SMARCA1: variants seen among roughly 807,000 people sequenced by gnomAD.
SMARCA1 encodes the protein SWI/SNF-related matrix-associated actin-dependent regulator of chromatin subfamily A member 1.
SMARCA1 carries 17 observed loss-of-function variants against 93.6 expected under a neutral mutation model. That is an observed-to-expected ratio of 0.18 (90% CI 0.12 to 0.27). The LOEUF (loss-of-function observed/expected upper bound fraction) is 0.27. Ranked by LOEUF, SMARCA1 falls within the 10% of genes least tolerant of loss-of-function variation. The pLI is 1.00. For missense variants in SMARCA1, 630 were observed against 819.0 expected (o/e 0.77, Z 2.82); for synonymous variants, 271 against 271.4 (o/e 1.00, Z 0.01).
chrX:129,474,585 A>G (rs1219600788), intron 19 of SMARCA1, among the ~76,000 whole-genome samples: 1 of 112,408 alleles, frequency 8.9e-6, no homozygotes, highest in African/African-American at 3.2e-5. Context: ...AATTTATTCT[A>G]TATCCAGTGG....
intron 1 of SMARCA1, among the ~76,000 whole-genome samples, chrX:129,522,169 A>G (rs901790685): frequency 4.5e-5 from 5 of 111,687 alleles, no homozygotes; most frequent in African/African-American, 1.6e-4. Flanking sequence ...AACGTTTTAT[A>G]GTTTTATTTG....
At chrX:129,506,297 T>A (rs1299525233) in intron 7 of SMARCA1, 86 bp from the exon 8 acceptor site, 1 of 709,641 alleles carries the variant, frequency 1.4e-6, no homozygotes, top group Non-Finnish European at 2.1e-6. Flanking sequence ...AACCAATATA[T>A]TTTTGACTAC....
chrX:129,492,900 A>G (rs1242179785), intron 13 of SMARCA1, 140 bp downstream of exon 13: 1 of 303,696 alleles, frequency 3.3e-6, no homozygotes. Context: ...GAAGATTTAA[A>G]AAAAATGATA....
chrX:129,516,685 G>C (rs1254113564), intron 2 of SMARCA1, among the ~76,000 whole-genome samples, 188 bp from the exon 3 acceptor site: 1 of 111,591 alleles, frequency 9.0e-6, no homozygotes. Context: ...AGCACAGAGA[G>C]GGTAAGTAAT....
intron 2 of SMARCA1, among the ~76,000 whole-genome samples, chrX:129,517,706 C>T (rs1038923696): frequency 2.7e-5 from 3 of 110,754 alleles, no homozygotes; most frequent in African/African-American, 9.8e-5. Flanking sequence ...AAATCCATTT[C>T]AACCACCTGT....
At chrX:129,508,899 T>C (rs1413633889) in intron 6 of SMARCA1, among the ~76,000 whole-genome samples, 3 of 111,945 alleles carry the variant, frequency 2.7e-5, no homozygotes, top group Non-Finnish European at 5.6e-5. Context: ...ATTAGTATTA[T>C]AAATCTAGCT....
chrX:129,505,223 T>C (rs1438784906), intron 8 of SMARCA1, among the ~76,000 whole-genome samples: 1 of 112,002 alleles, frequency 8.9e-6, no homozygotes, highest in Non-Finnish European at 1.9e-5. Context: ...TTAACAGTCA[T>C]AATGGGGCCA....
Position 129,511,821 on chromosome X carries a change from C to T in SMARCA1, c.793G>A (p.Gly265Arg), listed in dbSNP as rs779258095. The T allele has an allele frequency of 5.0e-6, 6 of 1,193,543 alleles. No individual in the cohort carries two copies. Among genetic ancestry groups the T allele is most frequent in the South Asian group, 3.8e-5 (2 of 53,196 alleles). The change falls in exon 6 of 25, where the codon GGA (glycine) becomes AGA (arginine). Residue 265 changes from glycine to arginine, a missense_variant. Around this residue, in one of 4 missense-constraint regions of SMARCA1, gnomAD observed 382 missense variants for 537.9 expected, o/e 0.71. Coordinates refer to ENST00000371121, the MANE Select transcript of SMARCA1 (RefSeq NM_001282874.2). ...TCACTTACTCTGGCATCCTTGTCTC[C>T]GACAAAACAAATGACACGGAGAGAT... ...VPSLRVICFV[G>R]DKDARAAFIR... is the part of the protein sequence containing the mutation.
intron 1 of SMARCA1, among the ~76,000 whole-genome samples, chrX:129,520,935 T>C (rs1935365693): frequency 8.9e-6 from 1 of 111,883 alleles, no homozygotes; most frequent in Admixed American, 9.4e-5. Context: ...TGGAGTGCAG[T>C]GGTGGGATCT....
At chrX:129,495,082 T>C (rs183028442) in intron 12 of SMARCA1, among the ~76,000 whole-genome samples, 10 of 111,997 alleles carry the variant, frequency 8.9e-5, no homozygotes, top group Non-Finnish European at 1.7e-4. Context: ...AAAAAGCAAA[T>C]TGGCATGTCT....
chrX:129,523,392 A>G lies in SMARCA1; in HGVS notation c.-22T>C, dbSNP rs770163297. ...CCATGCCGTGGGAGCGGGAACGAGT[A>G]GGGGGACAAGGCAGGGGACGAGGGC... On this transcript the variant is annotated 5_prime_UTR_variant, in exon 1 of 25. Transcript: ENST00000371121. 9.6e-6 allele frequency: 11 copies of G among 1,143,685 alleles called. No homozygotes were observed. The highest frequency in any genetic ancestry group is 1.3e-5 in the Non-Finnish European group (11 of 863,023). The allele number at this position is 1,143,685 out of a possible 1,213,427, so 94.3% of individuals were successfully genotyped here. A position where few individuals can be genotyped will look rare whatever the true frequency, so the allele number is the denominator to read the frequency against.
At position 129,454,592 on chromosome X, in the gene SMARCA1, G is replaced by A. The variant is rs374286438; in HGVS notation, c.3031-6149C>T. Reference sequence around the variant, plus strand: ...ATCTACAACTTAAACAAATTTACAAGAAAAAAACCCAAACAACCCCATTAA... The same window carrying A: ...ATCTACAACTTAAACAAATTTACAAAAAAAAAACCCAAACAACCCCATTAA... On this transcript the variant is annotated intron_variant, in intron 23 of 24. Transcript: ENST00000371121. Among the ~76,000 whole-genome samples, 6 of 111,508 alleles carry A rather than the reference G, an allele frequency of 5.4e-5. No individual in the cohort carries two copies. In the East Asian group the frequency reaches 1.1e-3, roughly 21 times the overall value.
intron 17 of SMARCA1, among the ~76,000 whole-genome samples, chrX:129,485,908 A>G (rs1933868786): frequency 9.0e-6 from 1 of 111,514 alleles, no homozygotes; most frequent in Non-Finnish European, 1.9e-5. Flanking sequence ...GCAGATGTTG[A>G]TACCATGCTT....
At chrX:129,452,394 G>A (rs1482672346) in intron 23 of SMARCA1, among the ~76,000 whole-genome samples, 1 of 112,355 alleles carries the variant, frequency 8.9e-6, no homozygotes, top group Non-Finnish European at 1.9e-5. Flanking sequence ...GAAAAGAGGA[G>A]ATGCAAAAAC....
chrX:129,453,782 A>C (rs187674278), intron 23 of SMARCA1, among the ~76,000 whole-genome samples: 300 of 111,841 alleles, frequency 2.7e-3, no homozygotes, highest in African/African-American at 8.7e-3. Flanking sequence ...CTCCTCAAGA[A>C]AATAAGAGAG....
chrX:129,517,433 GAA>G (rs1935243614), intron 2 of SMARCA1, among the ~76,000 whole-genome samples: 1 of 110,696 alleles, frequency 9.0e-6, no homozygotes, highest in Non-Finnish European at 1.9e-5. Flanking sequence ...TAATAACCCA[GAA>G]AACTTACAGA....
Position 129,499,856 on chromosome X carries a change from T to TTTTTATAAATGTTTCATAAAC in SMARCA1, c.1168-16_1168-15insGTTTATGAAACATTTATAAAA. 1.2e-6 allele frequency: 1 copy of TTTTTATAAATGTTTCATAAAC among 846,769 alleles called. No individual in the cohort carries two copies. The highest frequency in any genetic ancestry group is 1.7e-6 in the Non-Finnish European group (1 of 581,267). 69.8% of individuals were successfully genotyped at this position (846,769 alleles called of 1,213,427 possible). A position where few individuals can be genotyped will look rare whatever the true frequency, so the allele number is the denominator to read the frequency against. ...GGTTTTAAAACCTAAAAGGTGATCATTTTTATAAAAGTTTATGAAACATTT... is the reference window on the plus strand; with the variant it reads ...GGTTTTAAAACCTAAAAGGTGATCATTTTTATAAATGTTTCATAAACTTTTATAAAAGTTTATGAAACATTT... On this transcript the variant is annotated splice_polypyrimidine_tract_variant and intron_variant, in intron 9 of 24. Coordinates refer to ENST00000371121, the MANE Select transcript of SMARCA1 (RefSeq NM_001282874.2).
intron 23 of SMARCA1, among the ~76,000 whole-genome samples, chrX:129,454,216 T>C (rs1886773104): frequency 8.9e-6 from 1 of 112,034 alleles, no homozygotes; most frequent in Non-Finnish European, 1.9e-5. Flanking sequence ...TAATAAATGG[T>C]GCTGGGAAAA....
intron 23 of SMARCA1, among the ~76,000 whole-genome samples, chrX:129,462,344 T>C (rs942351072): frequency 1.8e-5 from 2 of 111,810 alleles, no homozygotes; most frequent in African/African-American, 3.2e-5. Context: ...CTCTTTCAAA[T>C]GGGGCAGTTT....
Sources: gnomAD v4.1 joint callset for allele counts (sites outside exome capture counted in the v4.1 genomes callset) on GRCh38, gnomAD v4.1.1 for gene constraint, gnomAD v4.1.1 regional missense constraint, MANE v1.5 for transcripts, NCBI Gene and HGNC (gene_info 2026-07-23, HGNC 2026-07-21) for gene names.